PKHD1: variants seen among roughly 807,000 people sequenced by gnomAD.
PKHD1 encodes fibrocystin.
Under a neutral mutation model 412.0 loss-of-function variants are expected in PKHD1, and 291 were observed. The observed-to-expected ratio is 0.71, with a 90% CI of 0.64 to 0.78. The LOEUF is 0.78. PKHD1 is among the 30% of genes least tolerant of loss of function. The pLI is 0.00. For missense variants in PKHD1, 4,825 were observed against 4,950.7 expected (o/e 0.97, Z 0.76); for synonymous variants, 1,777 against 1,821.5 (o/e 0.98, Z 0.62).
intron 46 of PKHD1, among the ~76,000 whole-genome samples, chr6:51,881,992 A>G (rs771170840): frequency 2.6e-5 from 4 of 152,200 alleles, no homozygotes; most frequent in Non-Finnish European, 4.4e-5. Flanking sequence ...CATAATTTAC[A>G]TCTTAATTTT....
intron 48 of PKHD1, among the ~76,000 whole-genome samples, chr6:51,859,874 A>G (rs1773914941): frequency 6.6e-6 from 1 of 152,240 alleles, no homozygotes; most frequent in Admixed American, 6.5e-5. Flanking sequence ...CTTTGGAAAC[A>G]TTGCACCTTC....
chr6:51,770,460 T>G (rs566241444), intron 55 of PKHD1, among the ~76,000 whole-genome samples: 1 of 143,130 alleles, frequency 7.0e-6, no homozygotes, highest in East Asian at 2.3e-4. Flanking sequence ...TTTTAAGTTT[T>G]CCTCTGGTAA....
At chr6:51,981,698 C>T (rs1160447072) in intron 35 of PKHD1, among the ~76,000 whole-genome samples, 2 of 142,842 alleles carry the variant, frequency 1.4e-5, no homozygotes, top group Non-Finnish European at 3.2e-5. Flanking sequence ...CCTGCCTTGG[C>T]CCCCCAAAGT....
chr6:51,628,308 T>C (rs1767529756), intron 65 of PKHD1, among the ~76,000 whole-genome samples: 1 of 152,194 alleles, frequency 6.6e-6, no homozygotes. Context: ...AGCTCCCACT[T>C]ATAAGTGACA....
chr6:51,912,616 C>A (rs775970765), intron 37 of PKHD1, 40 bp from the exon 38 acceptor site: 2 of 1,303,548 alleles, frequency 1.5e-6, no homozygotes, highest in South Asian at 1.2e-5. Flanking sequence ...ATAATTTAAT[C>A]ATTAATCAAA....
chr6:52,061,264 C>T (rs1049943701), intron 14 of PKHD1, among the ~76,000 whole-genome samples: 6 of 152,124 alleles, frequency 3.9e-5, no homozygotes, highest in South Asian at 2.1e-4. Flanking sequence ...GATCATGGCT[C>T]GCTGCAGCCC....
intron 65 of PKHD1, among the ~76,000 whole-genome samples, chr6:51,629,110 C>T (rs909837863): frequency 1.3e-5 from 2 of 151,826 alleles, no homozygotes; most frequent in Admixed American, 6.6e-5. Context: ...CTGTAAAAAC[C>T]GTAGAAAAAA....
intron 47 of PKHD1, among the ~76,000 whole-genome samples, chr6:51,869,076 C>T (rs1159415652): frequency 6.6e-6 from 1 of 151,956 alleles, no homozygotes; most frequent in Non-Finnish European, 1.5e-5. Context: ...TTCTGCAGCC[C>T]AATAGAGTAC....
chr6:51,711,507 T>A (rs1211222881), intron 60 of PKHD1, among the ~76,000 whole-genome samples: 1 of 152,226 alleles, frequency 6.6e-6, no homozygotes. Context: ...CTGTCTCCGA[T>A]GGACCTGACT....
At chr6:52,033,795 G>A (rs930850106) in intron 28 of PKHD1, among the ~76,000 whole-genome samples, 3 of 152,020 alleles carry the variant, frequency 2.0e-5, no homozygotes, top group South Asian at 2.1e-4. Context: ...TGACTGATAC[G>A]ATGGAACTTT....
At position 52,074,029 on chromosome 6, in the gene PKHD1, T is replaced by C. The variant is rs142045872; in HGVS notation, c.449-488A>G. ...GGCTCATATCACACAATCTGATGGG[T>C]CTTCAGGGATCCCAAGTATGTGCCT... is the stretch of plus-strand genomic sequence containing the variant. On this transcript the variant is annotated intron_variant, in intron 6 of 66. Coordinates refer to ENST00000371117, the MANE Select transcript of PKHD1 (RefSeq NM_138694.4). Among the ~76,000 whole-genome samples the C allele has an allele frequency of 5.6e-4, 86 of 152,236 alleles. 1 individual carries two copies. Among genetic ancestry groups the C allele is most frequent in the African/African-American group, 2.0e-3 (85 of 41,544 alleles).
intron 60 of PKHD1, among the ~76,000 whole-genome samples, chr6:51,665,732 G>A (rs963642374): frequency 6.6e-6 from 1 of 152,166 alleles, no homozygotes; most frequent in African/African-American, 2.4e-5. Context: ...GTGTTTAGAT[G>A]CAAGCTGAAG....
chr6:51,767,464 C>T (rs181900758), intron 55 of PKHD1, among the ~76,000 whole-genome samples: 131 of 152,156 alleles, frequency 8.6e-4, no homozygotes, highest in Non-Finnish European at 1.6e-3. Flanking sequence ...TATCCCTCCC[C>T]GCTCCCCTCA....
chr6:51,627,141 A>AT (rs1561982149), intron 65 of PKHD1, 25 bp from the exon 66 acceptor site: 2 of 1,609,428 alleles, frequency 1.2e-6, no homozygotes, highest in East Asian at 2.2e-5. Context: ...AAGAAAAAGG[A>AT]TTTTTTTGTT....
intron 57 of PKHD1, among the ~76,000 whole-genome samples, chr6:51,750,177 G>A (rs182233271): frequency 4.3e-4 from 65 of 152,236 alleles, no homozygotes; most frequent in Non-Finnish European, 8.5e-4. Flanking sequence ...CTTGGGGCCA[G>A]GCAACAGGAT....
At chr6:52,053,982 C>G in intron 20 of PKHD1, 56 bp downstream of exon 20, 12 of 1,599,918 alleles carry the variant, frequency 7.5e-6, no homozygotes, top group Non-Finnish European at 9.4e-6. Flanking sequence ...GTCCCCAAAA[C>G]AGTGAATCCT....
chr6:51,841,734 G>T (rs544697725), intron 50 of PKHD1, among the ~76,000 whole-genome samples: 60 of 152,352 alleles, frequency 3.9e-4, no homozygotes, highest in Middle Eastern at 3.4e-3. Context: ...TCCCCAAGAG[G>T]TCACAGGAGC....
Position 51,659,987 on chromosome 6 carries a change from C to A in PKHD1, c.10157-18G>T. 2 of 1,455,772 alleles carry A rather than the reference C, an allele frequency of 1.4e-6. No individual in the cohort carries two copies. The highest frequency in any genetic ancestry group is 1.9e-6 in the Non-Finnish European group (2 of 1,038,334). 90.2% of individuals were successfully genotyped at this position (1,455,772 alleles called of 1,614,324 possible). On this transcript the variant is annotated intron_variant, in intron 60 of 66. Coordinates refer to ENST00000371117, the MANE Select transcript of PKHD1 (RefSeq NM_138694.4). Reference sequence around the variant, plus strand: ...AAATGTACCTATAAAAGAAAAGAAGCAAAACAAGTGATATATGAATTATAA... The same window carrying A: ...AAATGTACCTATAAAAGAAAAGAAGAAAAACAAGTGATATATGAATTATAA...
At chr6:52,053,743 A>G (rs1026993807) in intron 20 of PKHD1, among the ~76,000 whole-genome samples, 1 of 152,086 alleles carries the variant, frequency 6.6e-6, no homozygotes, top group Non-Finnish European at 1.5e-5. Context: ...TGGGGCCCCA[A>G]ATTTCCTCTT....
Sources: allele counts gnomAD v4.1 joint callset (sites outside exome capture counted in the v4.1 genomes callset), GRCh38; gene constraint gnomAD v4.1.1; transcripts MANE v1.5; gene names NCBI Gene and HGNC (gene_info 2026-07-23, HGNC 2026-07-21).